SLC28A3: variants seen among roughly 807,000 people sequenced by gnomAD.
The protein encoded by SLC28A3 is solute carrier family 28 member 3.
SLC28A3 carries 68 observed loss-of-function variants against 84.2 expected under a neutral mutation model. The ratio of observed to expected loss-of-function variants is 0.81; its 90% CI spans 0.66 to 0.99. SLC28A3 has a LOEUF of 0.99. Among genes scored for constraint, SLC28A3 ranks in the 50% least tolerant of loss-of-function variants. The probability of loss-of-function intolerance (pLI) is 0.00; values close to 1 mark genes in which losing one functional copy is unlikely to be tolerated. For missense variants in SLC28A3, 712 were observed against 841.5 expected (o/e 0.85, Z 1.90); for synonymous variants, 267 against 303.6 (o/e 0.88, Z 1.25).
At chr9:84,349,691 G>A in the SLC28A3 span, among the ~76,000 whole-genome samples, 1 of 152,194 alleles carries the variant, frequency 6.6e-6, no homozygotes, top group Non-Finnish European at 1.5e-5. Flanking sequence ...CTCTGTCAGT[G>A]TTCAGTAGGG....
the SLC28A3 span, among the ~76,000 whole-genome samples, chr9:84,358,407 G>C: frequency 6.6e-6 from 1 of 152,086 alleles, no homozygotes; most frequent in Non-Finnish European, 1.5e-5. Context: ...CCGAAACTCA[G>C]GACCTCAATC....
intron 3 of SLC28A3, among the ~76,000 whole-genome samples, chr9:84,308,409 G>A (rs773943318): frequency 3.3e-5 from 5 of 152,048 alleles, no homozygotes; most frequent in South Asian, 2.1e-4. Context: ...AGCCGGGCAC[G>A]ATGGTGCATG....
In SLC28A3 at chr9:84,299,590, G is replaced by A. The variant is rs1825546014; in HGVS notation, c.660C>T (p.Tyr220=). ...TCAACTGGATACTTACTCTGGTTGG[G>A]TACTTGGAAAATAGAAATAACAGGA... ...YIVLLFLFSK[Y]PTRVYWRPVL... is the part of the protein sequence containing the mutation. Residue 220 remains tyrosine (Y), a synonymous_variant, in exon 6 of 18, where the codon TAC becomes TAT. Transcript: ENST00000376238. 1.2e-6 allele frequency: 2 copies of A among 1,613,872 alleles called. No individual in the cohort carries two copies. Among genetic ancestry groups the A allele is most frequent in the South Asian group, 1.1e-5 (1 of 90,990 alleles).
At chr9:84,353,961 GA>G in the SLC28A3 span, among the ~76,000 whole-genome samples, 4 of 152,184 alleles carry the variant, frequency 2.6e-5, no homozygotes. Context: ...ATTACTGAAA[GA>G]AAAAATCCTA....
chr9:84,310,667 G>T, intron 2 of SLC28A3: 1 of 865,962 alleles, frequency 1.2e-6, no homozygotes, highest in Non-Finnish European at 1.4e-6. Context: ...AATTCCACGA[G>T]GCCAAACTCC....
At chr9:84,315,734 T>TA (rs1826148532) in intron 1 of SLC28A3, among the ~76,000 whole-genome samples, 1 of 152,238 alleles carries the variant, frequency 6.6e-6, no homozygotes, top group South Asian at 2.1e-4. Flanking sequence ...TATTGACTGG[T>TA]ACCTGGAAAA....
the SLC28A3 span, among the ~76,000 whole-genome samples, chr9:84,365,629 T>C: frequency 1.3e-5 from 2 of 152,240 alleles, no homozygotes; most frequent in Non-Finnish European, 2.9e-5. Context: ...GTTTCATAGA[T>C]TTAAGTCTAA....
intron 17 of SLC28A3, 165 bp from the exon 18 acceptor site, chr9:84,278,509 C>G (rs902360788): frequency 1.2e-6 from 1 of 822,022 alleles, no homozygotes; most frequent in African/African-American, 1.7e-5. Flanking sequence ...TTTGTTTTGG[C>G]TCCTAAATTC....
At chr9:84,319,881 C>T (rs1195249412) in intron 1 of SLC28A3, among the ~76,000 whole-genome samples, 1 of 152,038 alleles carries the variant, frequency 6.6e-6, no homozygotes, top group Admixed American at 6.6e-5. Context: ...CTTTCCCATA[C>T]ACGATATTAC....
At chr9:84,362,239 GC>G in the SLC28A3 span, among the ~76,000 whole-genome samples, 3 of 152,196 alleles carry the variant, frequency 2.0e-5, no homozygotes, top group African/African-American at 7.2e-5. Context: ...CTGGGGGAGA[GC>G]CCCAGGGCTT....
chr9:84,301,365 A>AG (rs1188808322), intron 5 of SLC28A3, among the ~76,000 whole-genome samples: 2 of 150,950 alleles, frequency 1.3e-5, no homozygotes, highest in East Asian at 1.9e-4. Context: ...AAAAAAAAAA[A>AG]AAAAAAAAAG....
intron 3 of SLC28A3, among the ~76,000 whole-genome samples, chr9:84,306,370 A>G (rs1825790876): frequency 6.6e-6 from 1 of 152,044 alleles, no homozygotes; most frequent in Non-Finnish European, 1.5e-5. Context: ...TCTCGCCTGC[A>G]CCTCCAAGTC....
At chr9:84,297,513 C>T (rs1719334231) in intron 7 of SLC28A3, among the ~76,000 whole-genome samples, 1 of 152,192 alleles carries the variant, frequency 6.6e-6, no homozygotes, top group South Asian at 2.1e-4. Flanking sequence ...TTCTGACATT[C>T]AGTCTGACTC....
At chr9:84,310,345 A>G in intron 2 of SLC28A3, 1 of 935,338 alleles carries the variant, frequency 1.1e-6, no homozygotes, top group Non-Finnish European at 1.3e-6. Context: ...CAATCTTTCT[A>G]GGTACAGTTT....
intron 12 of SLC28A3, 120 bp from the exon 13 acceptor site, chr9:84,286,231 G>T (rs1824982876): frequency 1.1e-6 from 1 of 871,936 alleles, no homozygotes; most frequent in East Asian, 2.7e-5. Context: ...CCCCTGCCTT[G>T]CTCAAAATAC....
rs1003117281 is a variant in SLC28A3 at position 84,275,549 on chromosome 9, T to G, written c.*2669A>C. On this transcript the variant is annotated 3_prime_UTR_variant, in exon 18 of 18. Coordinates refer to ENST00000376238, the MANE Select transcript of SLC28A3 (RefSeq NM_001199633.2). Reference sequence around the variant, plus strand: ...AGGCATGCCATCTTTGCCCACTATATGTACATGGGTGAAGGAGAAACTGGG... The same window carrying G: ...AGGCATGCCATCTTTGCCCACTATAGGTACATGGGTGAAGGAGAAACTGGG... 2.0e-5 allele frequency: 3 copies of G among 152,184 alleles called. No homozygotes were observed. The highest frequency in any genetic ancestry group is 7.2e-5 in the African/African-American group (3 of 41,456). 9.4% of individuals were successfully genotyped at this position (152,184 alleles called of 1,614,324 possible).
intron 1 of SLC28A3, among the ~76,000 whole-genome samples, chr9:84,337,205 C>T (rs1014031797): frequency 6.6e-6 from 1 of 152,166 alleles, no homozygotes; most frequent in East Asian, 1.9e-4. Flanking sequence ...ATTGTAATTG[C>T]ATGCTTATTT....
chr9:84,336,423 G>C (rs1826978418), intron 1 of SLC28A3, among the ~76,000 whole-genome samples: 1 of 152,212 alleles, frequency 6.6e-6, no homozygotes, highest in Non-Finnish European at 1.5e-5. Flanking sequence ...AGAATTGCTT[G>C]AACCCAGGAG....
chr9:84,297,452 T>C (rs927141397), intron 7 of SLC28A3, among the ~76,000 whole-genome samples, 154 bp from the exon 8 acceptor site: 2 of 152,198 alleles, frequency 1.3e-5, no homozygotes, highest in African/African-American at 2.4e-5. Flanking sequence ...CTCCAATGAA[T>C]GGTGTAGAAG....
Sources: allele counts gnomAD v4.1 joint callset (sites outside exome capture counted in the v4.1 genomes callset), GRCh38; gene constraint gnomAD v4.1.1; transcripts MANE v1.5; gene names NCBI Gene and HGNC (gene_info 2026-07-23, HGNC 2026-07-21).